The following RASSF3 variants were observed in gnomAD, a reference collection of about 807,000 sequenced individuals.
RASSF3 encodes the protein ras association domain-containing protein 3.
A neutral mutation model predicts 19.9 loss-of-function variants in RASSF3; 19 were observed. The observed-to-expected ratio is 0.96, with a 90% confidence interval of 0.67 to 1.40. RASSF3 has a LOEUF of 1.40. RASSF3 is among the 40% of genes most tolerant of loss of function. The pLI, the probability that RASSF3 is intolerant of heterozygous loss-of-function variation, is 0.00. For missense variants in RASSF3, 306 were observed against 289.8 expected (o/e 1.06, Z -0.41); for synonymous variants, 110 against 104.2 (o/e 1.06, Z -0.34).
intron 3 of RASSF3, 47 bp downstream of exon 3, chr12:64,688,500 T>C: frequency 7.6e-7 from 1 of 1,322,100 alleles, no homozygotes; most frequent in South Asian, 1.2e-5. Flanking sequence ...TCTACTTGCA[T>C]CTGCTGTTCT....
At chr12:64,550,082 T>C (rs7973646) in intron 2 of RASSF3, among the ~76,000 whole-genome samples, 21,500 of 152,092 alleles carry the variant, frequency 0.14, 1,856 homozygotes, top group African/African-American at 0.24. Context: ...ATTTTATCTA[T>C]AGTCTCAGCG....
intron 1 of RASSF3, among the ~76,000 whole-genome samples, chr12:64,643,636 G>GA (rs1003179316): frequency 2.2e-4 from 33 of 150,108 alleles, no homozygotes; most frequent in African/African-American, 5.9e-4. Context: ...ATAAGAATAG[G>GA]AAAAAAAAAC....
At chr12:64,595,064 CTTT>C (rs1171762487) in intron 2 of RASSF3, among the ~76,000 whole-genome samples, 3 of 90,950 alleles carry the variant, frequency 3.3e-5, no homozygotes, top group African/African-American at 8.6e-5. Context: ...CATATGAAAT[CTTT>C]TTTTTTTTTT....
intron 1 of RASSF3, among the ~76,000 whole-genome samples, chr12:64,625,305 C>T (rs933127019): frequency 2.0e-5 from 3 of 152,084 alleles, no homozygotes; most frequent in African/African-American, 7.2e-5. Flanking sequence ...CTGACCACGC[C>T]TGGGGGCACC....
intron 2 of RASSF3, among the ~76,000 whole-genome samples, chr12:64,601,211 C>G (rs1471863210): frequency 6.6e-6 from 1 of 152,088 alleles, no homozygotes; most frequent in Non-Finnish European, 1.5e-5. Context: ...ATCAATTGAA[C>G]CTGGGAGGTT....
At chr12:64,520,555 C>CACACATATATATATAT (rs1435123674) in intron 1 of RASSF3, among the ~76,000 whole-genome samples, 19 of 86,344 alleles carry the variant, frequency 2.2e-4, no homozygotes, top group East Asian at 9.0e-4. Context: ...CACATACACA[C>CACACATATATATATAT]ATATATATAT....
intron 1 of RASSF3, among the ~76,000 whole-genome samples, chr12:64,673,171 G>A: frequency 6.6e-6 from 1 of 152,166 alleles, no homozygotes; most frequent in African/African-American, 2.4e-5. Flanking sequence ...TTTAAACCCA[G>A]CCAACCTGAA....
At chr12:64,523,811 A>G (rs1417182553) in intron 1 of RASSF3, among the ~76,000 whole-genome samples, 1 of 150,122 alleles carries the variant, frequency 6.7e-6, no homozygotes, top group African/African-American at 2.5e-5. Context: ...GGGCTCAAGC[A>G]ATCCTCCCAC....
chr12:64,637,475 G>C (rs936623330), intron 1 of RASSF3, among the ~76,000 whole-genome samples: 2 of 150,780 alleles, frequency 1.3e-5, no homozygotes, highest in African/African-American at 4.9e-5. Context: ...CCAGGCCCAG[G>C]CTGGAGTGCA....
chr12:64,689,791 C>CTTTTTTTTT lies in RASSF3; in HGVS notation c.457+1343_457+1351dup, dbSNP rs762822586. ...GTTTGTAGCTGCTAATTCGCTAATT[C>CTTTTTTTTT]TTTTTTTTTTTTTGAGACGGAGTCT... is the stretch of plus-strand genomic sequence containing the variant. On this transcript the variant is annotated intron_variant, in intron 3 of 4. Coordinates refer to ENST00000542104, the MANE Select transcript of RASSF3 (RefSeq NM_178169.4). 3.5e-4 allele frequency among the ~76,000 whole-genome samples: 34 copies of CTTTTTTTTT among 96,556 alleles called. 3 individuals carry two copies. Among genetic ancestry groups the CTTTTTTTTT allele is most frequent in the Non-Finnish European group, 4.4e-4 (22 of 49,914 alleles). 63.3% of individuals were successfully genotyped at this position (96,556 alleles called of 152,430 possible).
chr12:64,547,756 C>G (rs1028607845), intron 2 of RASSF3, among the ~76,000 whole-genome samples: 2 of 152,138 alleles, frequency 1.3e-5, no homozygotes, highest in Non-Finnish European at 2.9e-5. Flanking sequence ...TTTTTCAAAT[C>G]AAATTCTTCC....
upstream of RASSF3, among the ~76,000 whole-genome samples, chr12:64,608,383 C>T (rs1472412930): frequency 2.0e-5 from 3 of 152,134 alleles, no homozygotes; most frequent in Admixed American, 2.0e-4. Context: ...TGCAATGGCG[C>T]CACCTCGGGT....
intron 1 of RASSF3, among the ~76,000 whole-genome samples, chr12:64,615,289 T>C (rs1565850462): frequency 6.6e-6 from 1 of 152,200 alleles, no homozygotes; most frequent in South Asian, 2.1e-4. Flanking sequence ...CTAAGCTACC[T>C]CTCCTCCTGA....
chr12:64,553,372 G>A (rs1484496196), intron 2 of RASSF3, among the ~76,000 whole-genome samples: 2 of 152,128 alleles, frequency 1.3e-5, no homozygotes, highest in African/African-American at 2.4e-5. Flanking sequence ...CTGACATTGG[G>A]CCAGGGAGAG....
chr12:64,616,833 A>G (rs1228917161), intron 1 of RASSF3, among the ~76,000 whole-genome samples: 1 of 152,206 alleles, frequency 6.6e-6, no homozygotes, highest in Admixed American at 6.5e-5. Flanking sequence ...CAACAATATT[A>G]GCCTTCTCTT....
rs1235007463 is a variant in RASSF3 at position 64,617,918 on chromosome 12, C to T, written c.111+7175C>T. ...GTGTATCACTTCCTGTTTTACGTCC[C>T]TGTGTAAAACAATCACATTTCCTTA... On this transcript the variant is annotated intron_variant, in intron 1 of 4. Coordinates refer to ENST00000542104, the MANE Select transcript of RASSF3 (RefSeq NM_178169.4). 3.3e-5 allele frequency among the ~76,000 whole-genome samples: 5 copies of T among 152,142 alleles called. No individual in the cohort carries two copies. The East Asian group carries it at 7.7e-4, about 23-fold the overall frequency.
chr12:64,668,019 G>T (rs1381751234), intron 1 of RASSF3, among the ~76,000 whole-genome samples: 1 of 152,202 alleles, frequency 6.6e-6, no homozygotes, highest in Admixed American at 6.5e-5. Context: ...GAGTAGAAAG[G>T]GCATGGTTAT....
chr12:64,550,907 C>A (rs543861499), intron 2 of RASSF3, among the ~76,000 whole-genome samples: 2 of 151,582 alleles, frequency 1.3e-5, no homozygotes, highest in East Asian at 3.9e-4. Context: ...ATGTTCCAAT[C>A]CTGCCGGCTC....
chr12:64,624,784 G>C (rs1416045229), intron 1 of RASSF3, among the ~76,000 whole-genome samples: 2 of 151,832 alleles, frequency 1.3e-5, no homozygotes, highest in African/African-American at 4.8e-5. Context: ...TCAGCATCCC[G>C]AGTAGCTGGA....
Sources: gnomAD v4.1 joint callset for allele counts (sites outside exome capture counted in the v4.1 genomes callset) on GRCh38, gnomAD v4.1.1 for gene constraint, MANE v1.5 for transcripts, NCBI Gene and HGNC (gene_info 2026-07-23, HGNC 2026-07-21) for gene names.